Variants in RBMS3 observed in about 807,000 individuals in gnomAD.
RBMS3 encodes the protein RNA binding motif single stranded interacting protein 3.
A neutral mutation model predicts 66.8 loss-of-function variants in RBMS3; 27 were observed. The ratio of observed to expected loss-of-function variants is 0.40; its 90% CI spans 0.30 to 0.56. The LOEUF (loss-of-function observed/expected upper bound fraction) is 0.56, where lower values mean the gene tolerates loss of function less well. Ranked by LOEUF, RBMS3 falls within the 20% of genes least tolerant of loss-of-function variation. The pLI, the probability that RBMS3 is intolerant of heterozygous loss-of-function variation, is 0.40. For missense variants in RBMS3, 513 were observed against 549.5 expected (o/e 0.93, Z 0.66); for synonymous variants, 188 against 183.0 (o/e 1.03, Z -0.22).
chr3:29,589,465 C>T (rs2047648813), intron 4 of RBMS3, among the ~76,000 whole-genome samples: 1 of 152,078 alleles, frequency 6.6e-6, no homozygotes, highest in Admixed American at 6.6e-5. Context: ...CTTATTAATT[C>T]TGCTGCCTGT....
intron 14 of RBMS3, among the ~76,000 whole-genome samples, chr3:29,996,968 T>C (rs991821741): frequency 1.3e-5 from 2 of 151,926 alleles, no homozygotes; most frequent in African/African-American, 4.8e-5. Context: ...AAAAAATTAA[T>C]GAATCCAGGA....
intron 13 of RBMS3, among the ~76,000 whole-genome samples, chr3:29,988,771 G>T (rs1338357698): frequency 2.0e-5 from 3 of 151,822 alleles, no homozygotes; most frequent in Non-Finnish European, 4.4e-5. Context: ...TCAGAAGGAA[G>T]ATCAGAAGGA....
At chr3:29,530,429 T>C (rs941986858) in intron 3 of RBMS3, among the ~76,000 whole-genome samples, 1 of 152,096 alleles carries the variant, frequency 6.6e-6, no homozygotes, top group Non-Finnish European at 1.5e-5. Flanking sequence ...AAAAATACAA[T>C]TTGTAAAATG....
intron 3 of RBMS3, among the ~76,000 whole-genome samples, chr3:29,573,689 T>C (rs55777700): frequency 0.015 from 2,309 of 152,292 alleles, 59 homozygotes; most frequent in African/African-American, 0.053. Context: ...TTTTTTGATG[T>C]AGGCACTTAT....
intron 4 of RBMS3, among the ~76,000 whole-genome samples, chr3:29,710,142 A>G (rs1259531164): frequency 6.6e-6 from 1 of 152,206 alleles, no homozygotes; most frequent in African/African-American, 2.4e-5. Context: ...GGCTATTTCC[A>G]TTTTAAAAGT....
intron 12 of RBMS3, among the ~76,000 whole-genome samples, chr3:29,945,096 T>C (rs1291137109): frequency 6.6e-6 from 1 of 151,702 alleles, no homozygotes. Context: ...ACTGGCAATC[T>C]GAAGAGGAGG....
chr3:29,635,688 C>A (rs530586974), intron 4 of RBMS3, among the ~76,000 whole-genome samples: 1 of 151,980 alleles, frequency 6.6e-6, no homozygotes, highest in South Asian at 2.1e-4. Flanking sequence ...ATGTCTCACT[C>A]GGGTAAAAGC....
At chr3:29,834,008 A>G (rs928501963) in intron 6 of RBMS3, among the ~76,000 whole-genome samples, 2 of 152,044 alleles carry the variant, frequency 1.3e-5, no homozygotes, top group Non-Finnish European at 2.9e-5. Flanking sequence ...GTCAGCAAAA[A>G]CCTTGCAGGC....
chr3:29,947,659 C>A (rs1695410497), intron 12 of RBMS3, among the ~76,000 whole-genome samples: 1 of 151,366 alleles, frequency 6.6e-6, no homozygotes, highest in South Asian at 2.1e-4. Flanking sequence ...TTTAGTATTT[C>A]TTTTCCATAA....
intron 8 of RBMS3, among the ~76,000 whole-genome samples, chr3:29,884,470 C>CTCTCTCTCCA (rs1491200120): frequency 1.4e-5 from 1 of 70,500 alleles, no homozygotes; most frequent in Non-Finnish European, 3.2e-5. Flanking sequence ...CTCTCTCTCT[C>CTCTCTCTCCA]CCCCCCCGCT....
At chr3:29,608,830 T>A (rs973326901) in intron 4 of RBMS3, among the ~76,000 whole-genome samples, 1 of 151,972 alleles carries the variant, frequency 6.6e-6, no homozygotes, top group African/African-American at 2.4e-5. Context: ...ATGGCATATT[T>A]TTGTGTGTAA....
chr3:29,295,924 G>A (rs2125435602), intron 1 of RBMS3, among the ~76,000 whole-genome samples: 1 of 151,770 alleles, frequency 6.6e-6, no homozygotes, highest in Non-Finnish European at 1.5e-5. Context: ...TATTACACAA[G>A]GATTAACATC....
intron 1 of RBMS3, among the ~76,000 whole-genome samples, chr3:29,367,900 AATAG>A (rs2037993513): frequency 6.6e-6 from 1 of 152,162 alleles, no homozygotes; most frequent in African/African-American, 2.4e-5. Flanking sequence ...GTTCTAAGCC[AATAG>A]ATAAAAACAA....
chr3:29,557,758 C>A (rs1248872469), intron 3 of RBMS3, among the ~76,000 whole-genome samples: 1 of 152,094 alleles, frequency 6.6e-6, no homozygotes, highest in African/African-American at 2.4e-5. Context: ...GTAATTTTCT[C>A]CTAATTTTGG....
At position 29,281,656 on chromosome 3, in the gene RBMS3, G is replaced by A. The variant is rs528911919; in HGVS notation, c.-26G>A. The stretch of plus-strand genomic sequence containing the variant: ...ACTATACCCTGTCATCCAGTTCCCT[G>A]CCTCGGAGATAAAGATTCCAGCTAC... On this transcript the variant is annotated 5_prime_UTR_variant, in exon 1 of 15. Coordinates refer to ENST00000383767, the MANE Select transcript of RBMS3 (RefSeq NM_001003793.3). 6.2e-7 allele frequency: 1 copy of A among 1,602,940 alleles called. No homozygotes were observed. Among genetic ancestry groups the A allele is most frequent in the East Asian group, 2.2e-5 (1 of 44,686 alleles).
In RBMS3 at chr3:29,768,533, C is replaced by T. The variant is rs150100676; in HGVS notation, c.637+5544C>T. ...CATCTACTCTACCCACCTGTGATTTCGGCTGCATATGAGATGCAACCTAGA... is the reference window on the plus strand; with the variant it reads ...CATCTACTCTACCCACCTGTGATTTTGGCTGCATATGAGATGCAACCTAGA... On this transcript the variant is annotated intron_variant, in intron 6 of 14. Coordinates refer to ENST00000383767, the MANE Select transcript of RBMS3 (RefSeq NM_001003793.3). 4.4e-3 allele frequency among the ~76,000 whole-genome samples: 668 copies of T among 152,048 alleles called. 7 individuals are homozygous for T. Among genetic ancestry groups the T allele is most frequent in the African/African-American group, 0.015 (612 of 41,514 alleles).
intron 4 of RBMS3, among the ~76,000 whole-genome samples, chr3:29,719,297 T>G (rs1392510510): frequency 6.6e-6 from 1 of 152,190 alleles, no homozygotes. Flanking sequence ...GACTAGGAGC[T>G]GAATCTAATT....
In RBMS3 at chr3:29,843,078, C is replaced by T. The variant is rs1341130046; in HGVS notation, c.638-25780C>T. Among the ~76,000 whole-genome samples, 3 of 152,266 alleles carry T rather than the reference C, an allele frequency of 2.0e-5. 1 individual carries two copies. Among genetic ancestry groups the T allele is most frequent in the Middle Eastern group, 6.8e-3 (2 of 294 alleles). On this transcript the variant is annotated intron_variant, in intron 6 of 14. Coordinates refer to ENST00000383767, the MANE Select transcript of RBMS3 (RefSeq NM_001003793.3). ...TGTATTCCATGCCATTAGATATTGC[C>T]TCCAGAATCAAGCATCTATGATAGT...
chr3:29,322,406 A>C (rs1464981762), intron 1 of RBMS3, among the ~76,000 whole-genome samples: 1 of 152,124 alleles, frequency 6.6e-6, no homozygotes, highest in Admixed American at 6.5e-5. Flanking sequence ...AAATACAATA[A>C]TATTCTGGGG....
Sources: allele counts gnomAD v4.1 joint callset (sites outside exome capture counted in the v4.1 genomes callset), GRCh38; gene constraint gnomAD v4.1.1; transcripts MANE v1.5; gene names NCBI Gene and HGNC (gene_info 2026-07-23, HGNC 2026-07-21).